Variants in WDR64 observed in about 807,000 individuals in gnomAD.
The protein encoded by WDR64 is WD repeat domain 64.
In WDR64, 112 loss-of-function variants were observed where a neutral mutation model predicts 139.3. The ratio of observed to expected loss-of-function variants is 0.80; its 90% CI spans 0.69 to 0.94. The LOEUF (loss-of-function observed/expected upper bound fraction) is 0.94. Ranked by LOEUF, WDR64 falls within the 40% of genes least tolerant of loss-of-function variation. The pLI, the probability that WDR64 is intolerant of heterozygous loss-of-function variation, is 0.00. For missense variants in WDR64, 1,206 were observed against 1,293.1 expected, an observed-to-expected ratio of 0.93 and a Z score of 1.03; for synonymous variants, 444 against 437.7, an observed-to-expected ratio of 1.01 and a Z score of -0.18.
intron 13 of WDR64, among the ~76,000 whole-genome samples, chr1:241,747,578 GATTA>G (rs1171640645): frequency 2.6e-5 from 4 of 152,156 alleles, no homozygotes; most frequent in Non-Finnish European, 5.9e-5. Flanking sequence ...TCGTGTATCA[GATTA>G]ATTAAAATGC....
Position 241,741,513 on chromosome 1 carries a change from C to T in WDR64, c.1322-3C>T, listed in dbSNP as rs1353821423. ...ATTTATGAGATTCTTACTTCTGTTC[C>T]AGGATCTAGTGTTATGGACATGTAT... On this transcript the variant is annotated splice_polypyrimidine_tract_variant and splice_region_variant and intron_variant, in intron 11 of 27. Coordinates refer to ENST00000437684, the MANE Select transcript of WDR64 (RefSeq NM_001367482.1). 4 of 1,590,508 alleles carry T rather than the reference C, an allele frequency of 2.5e-6. No homozygotes were observed. Among genetic ancestry groups the T allele is most frequent in the Middle Eastern group, 3.4e-4 (2 of 5,938 alleles).
chr1:241,735,353 TTTGG>T (rs1669257279), intron 10 of WDR64, among the ~76,000 whole-genome samples: 1 of 152,126 alleles, frequency 6.6e-6, no homozygotes. Flanking sequence ...GTGTTGTTGC[TTTGG>T]TTGAACGGAA....
At position 241,780,535 on chromosome 1, in the gene WDR64, G is replaced by C. The variant is rs115095292; in HGVS notation, c.2595+473G>C. ...TTTTAAAATATTATACCAAGGAACA[G>C]CTATTTTAGCATAGCCCTATTTTTC... On this transcript the variant is annotated intron_variant, in intron 22 of 27. Coordinates refer to ENST00000437684, the MANE Select transcript of WDR64 (RefSeq NM_001367482.1). Among the ~76,000 whole-genome samples, 720 of 152,138 alleles carry C rather than the reference G, an allele frequency of 4.7e-3. 4 individuals carry two copies. Among genetic ancestry groups the C allele is most frequent in the African/African-American group, 0.017 (699 of 41,498 alleles).
chr1:241,776,032 T>C (rs541394419), intron 21 of WDR64, among the ~76,000 whole-genome samples: 96 of 152,154 alleles, frequency 6.3e-4, no homozygotes, highest in African/African-American at 2.2e-3. Context: ...AGTTTTCATA[T>C]TCTCTTTTAT....
intron 2 of WDR64, among the ~76,000 whole-genome samples, chr1:241,662,772 T>C (rs1235486348): frequency 1.3e-5 from 2 of 152,152 alleles, no homozygotes; most frequent in African/African-American, 4.8e-5. Context: ...AAGGATCATA[T>C]TTATTGCTGA....
At chr1:241,658,284 G>GGTGTGTGTGTGTGTGTGT (rs56011225) in intron 1 of WDR64, among the ~76,000 whole-genome samples, 5 of 147,162 alleles carry the variant, frequency 3.4e-5, no homozygotes, top group African/African-American at 1.3e-4. Flanking sequence ...TTCAAGCAAT[G>GGTGTGTGTGTGTGTGTGT]GTGTGTGTGT....
rs59588872 is a variant in WDR64, at chr1:241,736,415, T to TAAAAA, written c.1195-1934_1195-1930dup. ...CTTTAGTTCTCTTTATGGAAGAGTT[T>TAAAAA]AAAAAAAAAAAAAAAAAAGAGTAGG... On this transcript the variant is annotated intron_variant, in intron 10 of 27. Transcript: ENST00000437684. Among the ~76,000 whole-genome samples, 880 of 134,606 alleles carry TAAAAA rather than the reference T, an allele frequency of 6.5e-3. 15 individuals carry two copies. The highest frequency in any genetic ancestry group is 0.024 in the African/African-American group (841 of 35,434). 88.3% of individuals were successfully genotyped at this position (134,606 alleles called of 152,430 possible).
chr1:241,722,501 A>C (rs1668646965), intron 9 of WDR64, among the ~76,000 whole-genome samples: 1 of 152,218 alleles, frequency 6.6e-6, no homozygotes, highest in Non-Finnish European at 1.5e-5. Context: ...ATTGCTGAAT[A>C]AAGTAAAAAA....
intron 8 of WDR64, among the ~76,000 whole-genome samples, chr1:241,705,312 A>G (rs1029974865): frequency 2.0e-5 from 3 of 151,746 alleles, no homozygotes; most frequent in Non-Finnish European, 4.4e-5. Flanking sequence ...GAGGCCAAGG[A>G]GGGCGGATCA....
chr1:241,679,914 C>A (rs1318405838), intron 6 of WDR64, among the ~76,000 whole-genome samples: 2 of 152,124 alleles, frequency 1.3e-5, no homozygotes, highest in East Asian at 3.9e-4. Context: ...AAGTTCAAGT[C>A]TTTTCTCCCG....
intron 27 of WDR64, among the ~76,000 whole-genome samples, chr1:241,799,376 C>CAAAAAA (rs146121342): frequency 1.9e-5 from 2 of 104,000 alleles, no homozygotes; most frequent in African/African-American, 7.6e-5. Flanking sequence ...AACTCTGTCT[C>CAAAAAA]AAAAAAAAAA....
intron 8 of WDR64, among the ~76,000 whole-genome samples, chr1:241,699,514 GCC>G (rs1667623177): frequency 6.6e-6 from 1 of 152,134 alleles, no homozygotes; most frequent in South Asian, 2.1e-4. Flanking sequence ...GGTGATAAGT[GCC>G]ATGATACAGA....
intron 15 of WDR64, among the ~76,000 whole-genome samples, chr1:241,760,626 A>C (rs968429951): frequency 3.3e-5 from 5 of 150,644 alleles, no homozygotes; most frequent in African/African-American, 1.2e-4. Context: ...AAAAGATATG[A>C]AGAAATAGTC....
intron 15 of WDR64, among the ~76,000 whole-genome samples, chr1:241,760,422 G>C (rs868739353): frequency 2.1e-4 from 31 of 151,210 alleles, no homozygotes; most frequent in African/African-American, 6.8e-4. Context: ...TCTACACCCA[G>C]CTTCCCAGAA....
chr1:241,785,562 T>C (rs1318899103), intron 23 of WDR64, among the ~76,000 whole-genome samples: 1 of 152,208 alleles, frequency 6.6e-6, no homozygotes, highest in Admixed American at 6.5e-5. Context: ...ATAGCACTGC[T>C]CACTCCAGTT....
At chr1:241,768,497 A>G (rs1360717352) in intron 16 of WDR64, among the ~76,000 whole-genome samples, 1 of 152,178 alleles carries the variant, frequency 6.6e-6, no homozygotes, top group Non-Finnish European at 1.5e-5. Flanking sequence ...CAGACTTAAT[A>G]TTATTCTTGC....
rs1039995049 is a variant in WDR64 at position 241,801,480 on chromosome 1, AC to A, written c.*266del. ...ACACATAAGAAAACAAATGAAATCA[AC>A]AGCATTAGTAGGTCTAAAATAATAT... On this transcript the variant is annotated 3_prime_UTR_variant, in exon 28 of 28. Transcript: ENST00000437684. 9 of 483,750 alleles carry A rather than the reference AC, an allele frequency of 1.9e-5. No homozygotes were observed. Among genetic ancestry groups the A allele is most frequent in the Non-Finnish European group, 2.9e-5 (8 of 273,030 alleles). 30.0% of individuals were successfully genotyped at this position (483,750 alleles called of 1,614,324 possible). A position where few individuals can be genotyped will look rare whatever the true frequency, so the allele number is the denominator to read the frequency against.
chr1:241,745,082 C>T (rs138530307), intron 13 of WDR64, among the ~76,000 whole-genome samples: 37 of 152,304 alleles, frequency 2.4e-4, no homozygotes, highest in African/African-American at 7.5e-4. Flanking sequence ...ACTGGTAGGA[C>T]TTCCAGGAAC....
chr1:241,678,508 G>T (rs972419614), intron 5 of WDR64, among the ~76,000 whole-genome samples: 11 of 152,094 alleles, frequency 7.2e-5, no homozygotes, highest in African/African-American at 2.7e-4. Context: ...ATCTGCTGTT[G>T]GAGAATGTAA....
Sources: allele counts gnomAD v4.1 joint callset (sites outside exome capture counted in the v4.1 genomes callset), GRCh38; gene constraint gnomAD v4.1.1; transcripts MANE v1.5; gene names NCBI Gene and HGNC (gene_info 2026-07-23, HGNC 2026-07-21).